Variants in HYDIN observed in about 807,000 individuals in gnomAD.
HYDIN encodes axonemal central pair apparatus protein HYDIN.
A neutral mutation model predicts 403.9 loss-of-function variants in HYDIN; 132 were observed. The observed-to-expected ratio is 0.33, with a 90% CI of 0.28 to 0.38. HYDIN has a LOEUF of 0.38. Among genes scored for constraint, HYDIN ranks in the 10% least tolerant of loss-of-function variants. HYDIN has a pLI of 1.00. For missense variants in HYDIN, 2,827 were observed against 5,009.5 expected, an observed-to-expected ratio of 0.56 and a Z score of 13.15; for synonymous variants, 1,202 against 1,891.7, an observed-to-expected ratio of 0.64 and a Z score of 9.46.
At chr16:70,991,772 A>C (rs1478834655) in intron 24 of HYDIN, among the ~76,000 whole-genome samples, 1 of 151,638 alleles carries the variant, frequency 6.6e-6, no homozygotes, top group Non-Finnish European at 1.5e-5. Context: ...GTGAGGACAT[A>C]ATGTTTGGTG....
intron 18 of HYDIN, among the ~76,000 whole-genome samples, chr16:71,053,961 A>G (rs1402146738): frequency 6.6e-6 from 1 of 152,276 alleles, no homozygotes; most frequent in Non-Finnish European, 1.5e-5. Context: ...ATAGACTAAA[A>G]TGTAGAGAAG....
chr16:71,082,437 TA>T (rs1178465655), intron 12 of HYDIN, among the ~76,000 whole-genome samples: 1 of 151,740 alleles, frequency 6.6e-6, no homozygotes, highest in Non-Finnish European at 1.5e-5. Flanking sequence ...CTATTTCTCT[TA>T]GCAATTGATC....
At chr16:70,994,197 T>C (rs956429397) in intron 23 of HYDIN, among the ~76,000 whole-genome samples, 2 of 151,886 alleles carry the variant, frequency 1.3e-5, no homozygotes, top group Non-Finnish European at 2.9e-5. Flanking sequence ...ACATACCCTA[T>C]TGCACAGGGT....
At chr16:71,172,397 G>A (rs2144631286) in intron 5 of HYDIN, among the ~76,000 whole-genome samples, 1 of 152,246 alleles carries the variant, frequency 6.6e-6, no homozygotes, top group East Asian at 1.9e-4. Flanking sequence ...AATTTAAGAG[G>A]TCAAGAAAAA....
chr16:70,901,451 C>G (rs2076375463), intron 52 of HYDIN, among the ~76,000 whole-genome samples: 6 of 151,506 alleles, frequency 4.0e-5, no homozygotes, highest in Admixed American at 3.9e-4. Flanking sequence ...GTGTCTGTTG[C>G]TCCCCATTTT....
At chr16:71,177,173 A>C (rs1374176511) in intron 4 of HYDIN, among the ~76,000 whole-genome samples, 1 of 152,200 alleles carries the variant, frequency 6.6e-6, no homozygotes, top group Non-Finnish European at 1.5e-5. Flanking sequence ...AGTGTCTGGC[A>C]GACAAAACTC....
At chr16:71,152,957 T>C (rs3114614) in intron 6 of HYDIN, 174 bp from the exon 7 acceptor site, 1 of 556,336 alleles carries the variant, frequency 1.8e-6, no homozygotes, top group Non-Finnish European at 3.2e-6. Flanking sequence ...TTAGTTTTAA[T>C]GTTAAAATGA....
rs2079371962 is a variant in HYDIN at position 70,992,067 on chromosome 16, T to C, written c.3785+3A>G. 1 of 1,613,822 alleles carries C rather than the reference T, an allele frequency of 6.2e-7. No homozygotes were observed. The highest frequency in any genetic ancestry group is 8.5e-7 in the Non-Finnish European group (1 of 1,179,884). Reference sequence around the variant, plus strand: ...AAATAATCTATGTTGGCTTTGCACTTACTTAACAAAATCATTTAAATCCAT... The same window carrying C: ...AAATAATCTATGTTGGCTTTGCACTCACTTAACAAAATCATTTAAATCCAT... On this transcript the variant is annotated splice_donor_region_variant and intron_variant, in intron 24 of 85. Coordinates refer to ENST00000393567, the MANE Select transcript of HYDIN (RefSeq NM_001270974.2).
intron 12 of HYDIN, among the ~76,000 whole-genome samples, chr16:71,083,727 T>C (rs1345666718): frequency 6.6e-6 from 1 of 152,172 alleles, no homozygotes; most frequent in African/African-American, 2.4e-5. Context: ...GCCTGCCACT[T>C]TGCGTAGTGT....
At chr16:70,966,976 A>T (rs1346350897) in intron 36 of HYDIN, among the ~76,000 whole-genome samples, 1 of 151,342 alleles carries the variant, frequency 6.6e-6, no homozygotes, top group African/African-American at 2.4e-5. Flanking sequence ...GGGGAAGGGT[A>T]CATGAGATGA....
At chr16:71,063,940 T>G (rs1378220742) in intron 16 of HYDIN, among the ~76,000 whole-genome samples, 3 of 145,314 alleles carry the variant, frequency 2.1e-5, no homozygotes, top group African/African-American at 7.5e-5. Flanking sequence ...CTAAAGGTGG[T>G]AATTCTCTGC....
intron 1 of HYDIN, among the ~76,000 whole-genome samples, chr16:71,190,075 A>G (rs1046068131): frequency 5.3e-5 from 8 of 152,156 alleles, no homozygotes; most frequent in African/African-American, 1.9e-4. Context: ...TAATCTGCCC[A>G]CTGAAAAAGC....
chr16:71,186,661 A>C (rs1329161329), intron 2 of HYDIN, 100 bp downstream of exon 2: 1 of 891,544 alleles, frequency 1.1e-6, no homozygotes, highest in Non-Finnish European at 1.8e-6. Flanking sequence ...TTAATCAGTC[A>C]GTAATTCTGT....
intron 47 of HYDIN, among the ~76,000 whole-genome samples, chr16:70,913,187 A>T (rs2076741764): frequency 7.0e-6 from 1 of 143,192 alleles, no homozygotes; most frequent in African/African-American, 2.6e-5. Flanking sequence ...TTTGGGTTTG[A>T]TTTGTTCTTG....
intron 52 of HYDIN, among the ~76,000 whole-genome samples, chr16:70,902,821 A>ATATATTTTTTTTTTTTTTTTTT: frequency 4.9e-4 from 23 of 47,248 alleles, no homozygotes; most frequent in Admixed American, 1.0e-3. Flanking sequence ...ATATATATAT[A>ATATATTTTTTTTTTTTTTTTTT]TTTTTTTTTT....
intron 45 of HYDIN, among the ~76,000 whole-genome samples, chr16:70,930,347 G>A (rs1348371002): frequency 2.0e-5 from 3 of 152,216 alleles, no homozygotes; most frequent in African/African-American, 4.8e-5. Context: ...CGGGCATGGT[G>A]GCACACGTCT....
At chr16:71,073,645 T>A (rs2082537361) in intron 13 of HYDIN, among the ~76,000 whole-genome samples, 1 of 152,144 alleles carries the variant, frequency 6.6e-6, no homozygotes, top group Non-Finnish European at 1.5e-5. Context: ...TTGGAGGTTT[T>A]CAAACTCCTT....
intron 23 of HYDIN, among the ~76,000 whole-genome samples, chr16:71,010,837 A>G (rs2144099358): frequency 6.6e-6 from 1 of 152,220 alleles, no homozygotes; most frequent in South Asian, 2.1e-4. Flanking sequence ...GGGCAGAACA[A>G]GGAACTGCCT....
chr16:70,881,560 A>G (rs981465247), intron 60 of HYDIN, among the ~76,000 whole-genome samples: 10 of 146,220 alleles, frequency 6.8e-5, no homozygotes, highest in African/African-American at 2.7e-4. Context: ...GTGAGCTGAG[A>G]TTGCGCCACT....
Sources: allele counts gnomAD v4.1 joint callset (sites outside exome capture counted in the v4.1 genomes callset), GRCh38; gene constraint gnomAD v4.1.1; transcripts MANE v1.5; gene names NCBI Gene and HGNC (gene_info 2026-07-23, HGNC 2026-07-21).